Variants in GRID2 observed in about 807,000 individuals in gnomAD.
GRID2 encodes the protein glutamate receptor ionotropic, delta-2.
A neutral mutation model predicts 114.8 loss-of-function variants in GRID2; 33 were observed. The ratio of observed to expected loss-of-function variants is 0.29; its 90% confidence interval spans 0.22 to 0.38. The LOEUF is 0.38. GRID2 is among the 10% of genes least tolerant of loss of function. The pLI is 1.00. For synonymous variants in GRID2, 505 were observed against 449.9 expected (o/e 1.12, Z -1.55); for missense variants, 1,184 against 1,257.7 (o/e 0.94, Z 0.89).
intron 1 of GRID2, among the ~76,000 whole-genome samples, chr4:92,449,513 T>G (rs1307147476): frequency 6.6e-6 from 1 of 151,530 alleles, no homozygotes; most frequent in Non-Finnish European, 1.5e-5. Context: ...ATATGTCTTT[T>G]TGGAAAATAG....
In GRID2 at chr4:93,675,846, G is replaced by A. The variant is rs75385829; in HGVS notation, c.2360+49411G>A. Among the ~76,000 whole-genome samples, 700 of 152,254 alleles carry A rather than the reference G, an allele frequency of 4.6e-3. 6 individuals are homozygous for A. Among genetic ancestry groups the A allele is most frequent in the African/African-American group, 0.015 (613 of 41,538 alleles). On this transcript the variant is annotated intron_variant, in intron 14 of 15. Coordinates refer to ENST00000282020, the MANE Select transcript of GRID2 (RefSeq NM_001510.4). ...TAAATTGCAAAGTAAAAGCATTATA[G>A]TGTAAGGAATAATAATGGCTTATAC...
At chr4:92,954,212 T>TATAC (rs1417296494) in intron 2 of GRID2, among the ~76,000 whole-genome samples, 13 of 152,040 alleles carry the variant, frequency 8.6e-5, no homozygotes, top group Admixed American at 2.6e-4. Context: ...TATATATGTA[T>TATAC]ACACACAAAC....
At chr4:93,654,353 A>G (rs993259661) in intron 14 of GRID2, among the ~76,000 whole-genome samples, 1 of 152,192 alleles carries the variant, frequency 6.6e-6, no homozygotes. Flanking sequence ...AACCACTGGC[A>G]CTAAGAGCTT....
At chr4:92,550,108 G>C (rs1726502316) in intron 1 of GRID2, among the ~76,000 whole-genome samples, 1 of 152,060 alleles carries the variant, frequency 6.6e-6, no homozygotes, top group African/African-American at 2.4e-5. Flanking sequence ...TACATTTACA[G>C]TATATAGAGC....
chr4:93,082,147 C>T (rs112776897), intron 2 of GRID2, among the ~76,000 whole-genome samples: 6 of 152,280 alleles, frequency 3.9e-5, no homozygotes, highest in East Asian at 1.9e-4. Flanking sequence ...TGCACAACTG[C>T]GGCTTTGTTT....
intron 1 of GRID2, among the ~76,000 whole-genome samples, chr4:92,423,110 C>T (rs557284460): frequency 5.9e-5 from 9 of 152,046 alleles, no homozygotes; most frequent in Non-Finnish European, 1.0e-4. Context: ...AGCGAGCCAA[C>T]GCGAGAAAAA....
At chr4:93,002,853 G>T (rs1721144365) in intron 2 of GRID2, among the ~76,000 whole-genome samples, 1 of 151,722 alleles carries the variant, frequency 6.6e-6, no homozygotes, top group Non-Finnish European at 1.5e-5. Flanking sequence ...TCTTTTGGAG[G>T]CTGTAGGGGA....
At chr4:92,810,730 T>C (rs1291156171) in intron 2 of GRID2, among the ~76,000 whole-genome samples, 1 of 152,136 alleles carries the variant, frequency 6.6e-6, no homozygotes, top group East Asian at 1.9e-4. Context: ...CATTTCTCTT[T>C]AGCAGGAATC....
At chr4:92,472,609 T>C (rs1228544866) in intron 1 of GRID2, among the ~76,000 whole-genome samples, 1 of 152,148 alleles carries the variant, frequency 6.6e-6, no homozygotes, top group African/African-American at 2.4e-5. Context: ...CACATTTTAA[T>C]TTTAGACATT....
intron 4 of GRID2, among the ~76,000 whole-genome samples, chr4:93,206,754 T>G (rs964651307): frequency 6.6e-6 from 1 of 152,138 alleles, no homozygotes; most frequent in African/African-American, 2.4e-5. Context: ...TAAATATATT[T>G]TATTTCTTTT....
At chr4:93,078,386 A>G (rs1472314580) in intron 2 of GRID2, among the ~76,000 whole-genome samples, 1 of 152,016 alleles carries the variant, frequency 6.6e-6, no homozygotes, top group African/African-American at 2.4e-5. Flanking sequence ...TTAAACATTC[A>G]TATGAATATC....
In GRID2 at chr4:92,376,641, T is replaced by C. The variant is rs538922891; in HGVS notation, c.88+71897T>C. Among the ~76,000 whole-genome samples, 3 of 142,000 alleles carry C rather than the reference T, an allele frequency of 2.1e-5. No homozygotes were observed. In the East Asian group the frequency reaches 6.1e-4, roughly 29 times the overall value. The allele number at this position is 142,000 out of a possible 152,430, so 93.2% of individuals were successfully genotyped here. ...TTCCACACTGCCCTAGCAGAGGTTC[T>C]TCATGAGAGGCCTGCCCCTGCAACA... On this transcript the variant is annotated intron_variant, in intron 1 of 15. Coordinates refer to ENST00000282020, the MANE Select transcript of GRID2 (RefSeq NM_001510.4).
intron 10 of GRID2, among the ~76,000 whole-genome samples, chr4:93,429,746 C>T (rs1433788558): frequency 6.6e-6 from 1 of 152,128 alleles, no homozygotes; most frequent in Non-Finnish European, 1.5e-5. Flanking sequence ...AAGTACTATA[C>T]TTAGCATGTA....
In GRID2 at chr4:93,131,580, TTTAAAAA is replaced by T. The variant is rs1023249955; in HGVS notation, c.735+20644_735+20650del. 3.8e-4 allele frequency among the ~76,000 whole-genome samples: 54 copies of T among 142,290 alleles called. No homozygotes were observed. The South Asian group carries it at 6.0e-3, about 16-fold the overall frequency. The allele number at this position is 142,290 out of a possible 152,430, so 93.3% of individuals were successfully genotyped here. A position where few individuals can be genotyped will look rare whatever the true frequency, so the allele number is the denominator to read the frequency against. On this transcript the variant is annotated intron_variant, in intron 4 of 15. Transcript: ENST00000282020. ...TGTTTTCATTATCCAGGTTGAAATTTTTAAAAATTAAAAATTAAAAATTTTATTTAAA... is the reference window on the plus strand; with the variant it reads ...TGTTTTCATTATCCAGGTTGAAATTTTTAAAAATTAAAAATTTTATTTAAA...
chr4:92,802,541 A>G (rs1266920129), intron 2 of GRID2, among the ~76,000 whole-genome samples: 1 of 151,880 alleles, frequency 6.6e-6, no homozygotes, highest in East Asian at 1.9e-4. Context: ...TGTTGCTGCA[A>G]GAGAATCCAA....
Position 92,654,764 on chromosome 4 carries a change from G to T in GRID2, c.244+64478G>T, listed in dbSNP as rs139079232. 3.9e-3 allele frequency among the ~76,000 whole-genome samples: 586 copies of T among 151,648 alleles called. 7 individuals are homozygous for T. Among genetic ancestry groups the T allele is most frequent in the African/African-American group, 0.013 (550 of 41,396 alleles). On this transcript the variant is annotated intron_variant, in intron 2 of 15. Transcript: ENST00000282020. ...TCAAATGGAATTTTAAAAAAAAATTGTTGAAGTGTTTGAACTCCTTATATT... is the reference window on the plus strand; with the variant it reads ...TCAAATGGAATTTTAAAAAAAAATTTTTGAAGTGTTTGAACTCCTTATATT...
chr4:92,832,480 G>A (rs967893787), intron 2 of GRID2, among the ~76,000 whole-genome samples: 23 of 150,270 alleles, frequency 1.5e-4, no homozygotes, highest in Non-Finnish European at 3.3e-4. Flanking sequence ...CGCAACCTCC[G>A]CCTCCCGGGT....
At chr4:92,689,628 G>T (rs1326420548) in intron 2 of GRID2, among the ~76,000 whole-genome samples, 2 of 152,204 alleles carry the variant, frequency 1.3e-5, no homozygotes, top group Non-Finnish European at 2.9e-5. Context: ...ACTAATTCAT[G>T]ATGATCAGAG....
At chr4:92,539,663 T>C (rs1368168802) in intron 1 of GRID2, among the ~76,000 whole-genome samples, 1 of 152,186 alleles carries the variant, frequency 6.6e-6, no homozygotes, top group Admixed American at 6.6e-5. Context: ...GCTACCAAAT[T>C]AGTAATTGCT....
Sources: allele counts gnomAD v4.1 joint callset (sites outside exome capture counted in the v4.1 genomes callset), GRCh38; gene constraint gnomAD v4.1.1; transcripts MANE v1.5; gene names NCBI Gene and HGNC (gene_info 2026-07-23, HGNC 2026-07-21).